CYB561D2: variants seen among roughly 807,000 people sequenced by gnomAD.
CYB561D2 encodes the protein transmembrane reductase CYB561D2.
In CYB561D2, 16 loss-of-function variants were observed where a neutral mutation model predicts 20.2. That is an observed-to-expected ratio of 0.79 (90% CI 0.53 to 1.20). CYB561D2 has a LOEUF of 1.20. Ranked by LOEUF, CYB561D2 falls within the 50% of genes most tolerant of loss-of-function variation. CYB561D2 has a pLI of 0.00. For synonymous variants in CYB561D2, 135 were observed against 128.3 expected, an observed-to-expected ratio of 1.05 and a Z score of -0.35; for missense variants, 247 against 270.3, an observed-to-expected ratio of 0.91 and a Z score of 0.60.
chr3:50,352,736 A>G (rs1168265127), intron 3 of CYB561D2, among the ~76,000 whole-genome samples: 1 of 151,172 alleles, frequency 6.6e-6, no homozygotes, highest in East Asian at 2.0e-4. Context: ...ATGAAGACCC[A>G]GGACCCAGGT....
intron 3 of CYB561D2, among the ~76,000 whole-genome samples, chr3:50,352,763 G>A (rs1188286343): frequency 6.7e-6 from 1 of 149,470 alleles, no homozygotes; most frequent in African/African-American, 2.5e-5. Context: ...GGTAAGATTT[G>A]TCTAAGCACA....
rs1703821103 is a variant in CYB561D2 at position 50,353,549 on chromosome 3, C to T, written c.474C>T (p.Tyr158=). ...PRWPLAKLKL[Y]HATSGLVGYL... ...GGCCCCTGGCGAAGCTCAAGCTATA[C>T]CATGCTACTTCTGGGCTGGTGGGCT... The change falls in exon 4 of 4, where the codon TAC becomes TAT. Residue 158 remains tyrosine (Y), a synonymous_variant. Coordinates refer to ENST00000425346, the MANE Select transcript of CYB561D2 (RefSeq NM_001291284.2). 1 of 1,613,750 alleles carries T rather than the reference C, an allele frequency of 6.2e-7. No individual in the cohort carries two copies. The highest frequency in any genetic ancestry group is 1.1e-5 in the South Asian group (1 of 91,086).
Position 50,350,973 on chromosome 3 carries a change from C to T in CYB561D2, c.-37C>T. The T allele has an allele frequency of 8.2e-7, 1 of 1,218,832 alleles. No individual in the cohort carries two copies. Among genetic ancestry groups the T allele is most frequent in the Non-Finnish European group, 1.1e-6 (1 of 946,790 alleles). 75.5% of individuals were successfully genotyped at this position (1,218,832 alleles called of 1,614,324 possible). A position where few individuals can be genotyped will look rare whatever the true frequency, so the allele number is the denominator to read the frequency against. On this transcript the variant is annotated 5_prime_UTR_variant, in exon 1 of 4. Transcript: ENST00000425346. The surrounding 1 kb of genome is among the most constrained non-coding windows in gnomAD (Gnocchi z 5.7). ...AAACCACCGCATCAGATCTGCGCTG[C>T]GGCAGAGGCAGGCAAGTCCCTAGCG...
chr3:50,353,824 C>G lies in CYB561D2; in HGVS notation c.*80C>G. 1 of 1,492,746 alleles carries G rather than the reference C, an allele frequency of 6.7e-7. No homozygotes were observed. The highest frequency in any genetic ancestry group is 9.0e-7 in the Non-Finnish European group (1 of 1,115,102). The allele number at this position is 1,492,746 out of a possible 1,614,324, so 92.5% of individuals were successfully genotyped here. ...CTAGGGACCTGTTGAACTCTCTCAG[C>G]TGAGTCAGGGGACACCTCAGGCACT... On this transcript the variant is annotated 3_prime_UTR_variant, in exon 4 of 4. Transcript: ENST00000425346.
intron 1 of CYB561D2, 166 bp from the exon 2 acceptor site, chr3:50,351,243 G>A: frequency 1.4e-6 from 1 of 728,646 alleles, no homozygotes; most frequent in Non-Finnish European, 2.1e-6. Context: ...ACAGGCCGCC[G>A]GCCGTCGACT....
chr3:50,352,877 A>C (rs954813129), intron 3 of CYB561D2, among the ~76,000 whole-genome samples: 2 of 152,288 alleles, frequency 1.3e-5, no homozygotes, highest in South Asian at 2.1e-4. Flanking sequence ...ACTTTCCCTG[A>C]AACAGTGCAC....
At position 50,351,473 on chromosome 3, in the gene CYB561D2, G is replaced by C. The variant is rs997992222; in HGVS notation, c.40G>C (p.Ala14Pro). The stretch of plus-strand genomic sequence containing the variant: ...GGAGACCGAGTCACACATCTACCGA[G>C]CTCTGCGTACTGCTTCTGGCGCTGC... ...SAETESHIYR[A>P]LRTASGAAAH... Residue 14 changes from alanine (A) to proline (P), a missense_variant, in exon 2 of 4, where the codon GCT (alanine) becomes CCT (proline). Ala to Pro is a conservative substitution (Grantham distance 27). Transcript: ENST00000425346. 44 of 1,613,672 alleles carry C rather than the reference G, an allele frequency of 2.7e-5. No individual in the cohort carries two copies. The highest frequency in any genetic ancestry group is 3.7e-5 in the Non-Finnish European group (44 of 1,180,000).
chr3:50,352,720 A>AGAGTAAT (rs1302242355), intron 3 of CYB561D2, among the ~76,000 whole-genome samples: 2 of 151,078 alleles, frequency 1.3e-5, no homozygotes, highest in East Asian at 3.9e-4. Context: ...GACTTGAATC[A>AGAGTAAT]GAGTAATGAA....
rs766556073 is a variant in CYB561D2 at position 50,351,530 on chromosome 3, T to A, written c.97T>A (p.Phe33Ile). Residue 33 changes from phenylalanine (F) to isoleucine (I), a missense_variant, in exon 2 of 4, where the codon TTT (phenylalanine) becomes ATT (isoleucine). Phe to Ile is a conservative substitution (Grantham distance 21). Transcript: ENST00000425346. ...CCTTGTGGCCCTGGGCTTTACCATC[T>A]TTGTGGCTGTGCTTGCCAGGCCTGG... ...AHLVALGFTI[F>I]VAVLARPGSS... 5.6e-6 allele frequency: 9 copies of A among 1,612,730 alleles called. No homozygotes were observed. In the East Asian group the frequency reaches 1.8e-4, roughly 32 times the overall value.
At position 50,353,720 on chromosome 3, in the gene CYB561D2, A is replaced by G. The variant is rs1473180360; in HGVS notation, c.645A>G (p.Leu215=). The G allele has an allele frequency of 6.2e-7, 1 of 1,606,490 alleles. No individual in the cohort carries two copies. The highest frequency in any genetic ancestry group is 8.5e-7 in the Non-Finnish European group (1 of 1,175,658). The stretch of plus-strand genomic sequence containing the variant: ...TGAACCAGGTGAGCAATGCCTACCT[A>G]TACCGCAAGAGGATCCAACCATGAG... ...VIMNQVSNAY[L]YRKRIQP Residue 215 remains leucine, a synonymous_variant, in exon 4 of 4, where the codon CTA becomes CTG. Transcript: ENST00000425346.
rs1230038033 is a variant in CYB561D2, at chr3:50,352,002, A to G, written c.128-7A>G. 7 of 1,613,752 alleles carry G rather than the reference A, an allele frequency of 4.3e-6. No homozygotes were observed. The highest frequency in any genetic ancestry group is 8.5e-7 in the Non-Finnish European group (1 of 1,179,886). On this transcript the variant is annotated splice_region_variant and splice_polypyrimidine_tract_variant and intron_variant, in intron 2 of 3. Transcript: ENST00000425346. Reference sequence around the variant, plus strand: ...CAGCCCCATGAGGCCTCCTCTTCTCATTCCAGGCCTGTTCTCCTGGCACCC... The same window carrying G: ...CAGCCCCATGAGGCCTCCTCTTCTCGTTCCAGGCCTGTTCTCCTGGCACCC...
chr3:50,353,158 G>A, intron 3 of CYB561D2, 83 bp from the exon 4 acceptor site: 3 of 1,492,474 alleles, frequency 2.0e-6, no homozygotes, highest in Non-Finnish European at 2.7e-6. Flanking sequence ...CAGACTCACT[G>A]GCAGCTAAGG....
At chr3:50,352,608 C>T (rs1451217342) in intron 3 of CYB561D2, among the ~76,000 whole-genome samples, 2 of 149,138 alleles carry the variant, frequency 1.3e-5, no homozygotes, top group Admixed American at 6.9e-5. Flanking sequence ...ATTGCTTGAA[C>T]CCGGAAGGCG....
At chr3:50,352,945 C>T (rs777394303) in intron 3 of CYB561D2, among the ~76,000 whole-genome samples, 1 of 152,206 alleles carries the variant, frequency 6.6e-6, no homozygotes, top group African/African-American at 2.4e-5. Context: ...GGAAACAAAG[C>T]TTGTGAATCA....
intron 1 of CYB561D2, 112 bp downstream of exon 1, chr3:50,351,096 C>T (rs979522367): frequency 2.2e-6 from 1 of 444,574 alleles, no homozygotes; most frequent in Non-Finnish European, 3.8e-6. Flanking sequence ...TTCCATAGTG[C>T]TCCGCGCCCT....
rs767968239 is a variant in CYB561D2, at chr3:50,353,982, C to T, written c.*238C>T. ...ATGTGTCTGGATGAAGCTGGGGCTG[C>T]AAGACTGCCTCTCCTGCAAGGCAGC... On this transcript the variant is annotated 3_prime_UTR_variant, in exon 4 of 4. Coordinates refer to ENST00000425346, the MANE Select transcript of CYB561D2 (RefSeq NM_001291284.2). 7.6e-6 allele frequency: 4 copies of T among 525,280 alleles called. No individual in the cohort carries two copies. The highest frequency in any genetic ancestry group is 1.9e-5 in the African/African-American group (1 of 52,932). 32.5% of individuals were successfully genotyped at this position (525,280 alleles called of 1,614,324 possible).
chr3:50,352,667 CAGAG>C lies in CYB561D2; in HGVS notation c.166-568_166-565del, dbSNP rs1219197949. The stretch of plus-strand genomic sequence containing the variant: ...GGCCACTGCACTCCAGCCTGGGTGA[CAGAG>C]AGAGACTATCTCCAAAAAAAAAAAA... On this transcript the variant is annotated intron_variant, in intron 3 of 3. Coordinates refer to ENST00000425346, the MANE Select transcript of CYB561D2 (RefSeq NM_001291284.2). Among the ~76,000 whole-genome samples the C allele has an allele frequency of 3.4e-5, 4 of 116,322 alleles. No homozygotes were observed. The East Asian group carries it at 1.2e-3, about 34-fold the overall frequency. The allele number at this position is 116,322 out of a possible 152,430, so 76.3% of individuals were successfully genotyped here.
chr3:50,353,790 G>T lies in CYB561D2; in HGVS notation c.*46G>T. The T allele has an allele frequency of 6.5e-7, 1 of 1,545,904 alleles. No individual in the cohort carries two copies. The highest frequency in any genetic ancestry group is 1.2e-5 in the South Asian group (1 of 82,228). ...AGCCTGGATTTGCCCCTCCATGTAG[G>T]AGCTGGGCCTAGGGACCTGTTGAAC... On this transcript the variant is annotated 3_prime_UTR_variant, in exon 4 of 4. Transcript: ENST00000425346.
In CYB561D2 at chr3:50,350,979, A is replaced by G; in HGVS notation, c.-31A>G. ...CCGCATCAGATCTGCGCTGCGGCAGAGGCAGGCAAGTCCCTAGCGTGGAGG... is the reference window on the plus strand; with the variant it reads ...CCGCATCAGATCTGCGCTGCGGCAGGGGCAGGCAAGTCCCTAGCGTGGAGG... On this transcript the variant is annotated 5_prime_UTR_variant, in exon 1 of 4. Transcript: ENST00000425346. This position sits in a 1 kb window ranked among gnomAD's most constrained non-coding sequence, Gnocchi z 5.7. 6 of 1,172,770 alleles carry G rather than the reference A, an allele frequency of 5.1e-6. No individual in the cohort carries two copies. The highest frequency in any genetic ancestry group is 6.6e-6 in the Non-Finnish European group (6 of 905,782). The allele number at this position is 1,172,770 out of a possible 1,614,324, so 72.6% of individuals were successfully genotyped here.
Sources: allele counts gnomAD v4.1 joint callset (sites outside exome capture counted in the v4.1 genomes callset), GRCh38; gene constraint gnomAD v4.1.1; non-coding constraint Gnocchi (gnomAD v3.1); transcripts MANE v1.5; gene names NCBI Gene and HGNC (gene_info 2026-07-23, HGNC 2026-07-21).